The following ARID4B variants were observed in gnomAD, a reference collection of about 807,000 sequenced individuals.
ARID4B encodes the protein AT-rich interactive domain-containing protein 4B.
ARID4B carries 26 observed loss-of-function variants against 147.5 expected under a neutral mutation model. That is an observed-to-expected ratio of 0.18 (90% CI 0.13 to 0.24). ARID4B has a LOEUF of 0.24. ARID4B is among the 10% of genes least tolerant of loss of function. ARID4B has a pLI of 1.00. For missense variants in ARID4B, 1,179 were observed against 1,511.5 expected (o/e 0.78, Z 3.65); for synonymous variants, 512 against 507.9 (o/e 1.01, Z -0.11).
intron 13 of ARID4B, among the ~76,000 whole-genome samples, chr1:235,221,884 CTATTTTTTTT>C (rs1667488668): frequency 2.5e-5 from 2 of 78,548 alleles, no homozygotes; most frequent in African/African-American, 1.0e-4. Context: ...AGTCATTTGA[CTATTTTTTTT>C]TTTTTTTTTT....
intron 2 of ARID4B, among the ~76,000 whole-genome samples, chr1:235,298,454 A>ATT (rs1413467221): frequency 6.7e-6 from 1 of 149,568 alleles, no homozygotes; most frequent in Non-Finnish European, 1.5e-5. Flanking sequence ...ACCGTATTAC[A>ATT]TTATATATAT....
intron 2 of ARID4B, among the ~76,000 whole-genome samples, chr1:235,276,642 A>G (rs1017760754): frequency 6.6e-6 from 1 of 151,496 alleles, no homozygotes; most frequent in African/African-American, 2.4e-5. Context: ...AGTCTGGGAG[A>G]CACAGCAAGA....
chr1:235,213,741 A>G, intron 17 of ARID4B, 28 bp downstream of exon 17: 2 of 1,591,802 alleles, frequency 1.3e-6, no homozygotes, highest in East Asian at 2.2e-5. Context: ...GTTTTTAGGT[A>G]ATAATCACTA....
At chr1:235,294,127 A>C (rs1672518786) in intron 2 of ARID4B, among the ~76,000 whole-genome samples, 1 of 152,098 alleles carries the variant, frequency 6.6e-6, no homozygotes, top group Non-Finnish European at 1.5e-5. Context: ...TATATAAACA[A>C]GAACTATTTA....
At chr1:235,223,059 A>T in intron 13 of ARID4B, 107 bp downstream of exon 13, 1 of 700,296 alleles carries the variant, frequency 1.4e-6, no homozygotes, top group Non-Finnish European at 2.3e-6. Flanking sequence ...TTAGGTTTTT[A>T]CTGAAAAACT....
chr1:235,178,777 A>G (rs55732279), intron 20 of ARID4B, among the ~76,000 whole-genome samples: 20,219 of 152,092 alleles, frequency 0.13, 1,568 homozygotes, highest in African/African-American at 0.2. Flanking sequence ...CAGACACCAA[A>G]TCAACCTTCT....
Position 235,219,843 on chromosome 1 carries a change from A to ATCT in ARID4B, c.1530_1532dup (p.Val510_Asp511insGlu). The ATCT allele has an allele frequency of 1.1e-5, 18 of 1,605,070 alleles. No individual in the cohort carries two copies. Among genetic ancestry groups the ATCT allele is most frequent in the Non-Finnish European group, 1.5e-5 (18 of 1,177,868 alleles). On this transcript the variant is annotated inframe_insertion, in exon 16 of 24. Transcript: ENST00000264183. ...CTTCTACCTTTATGTTGAGGGATTC[A>ATCT]TCTACCCTAGTTGTGTCATCATCTT...
In ARID4B at chr1:235,236,858, A is replaced by AT. The variant is rs1240653310; in HGVS notation, c.586-2367dup. 4.3e-3 allele frequency among the ~76,000 whole-genome samples: 114 copies of AT among 26,350 alleles called. 5 individuals are homozygous for AT. Among genetic ancestry groups the AT allele is most frequent in the Non-Finnish European group, 6.9e-3 (94 of 13,530 alleles). 17.3% of individuals were successfully genotyped at this position (26,350 alleles called of 152,430 possible). ...AATATATATATATATATATATATATATATATTTTTTTTTTTTTTTTTTTTT... is the reference window on the plus strand; with the variant it reads ...AATATATATATATATATATATATATATTATATTTTTTTTTTTTTTTTTTTTT... On this transcript the variant is annotated intron_variant, in intron 8 of 23. Transcript: ENST00000264183.
chr1:235,247,408 A>G (rs1669364894), intron 6 of ARID4B, among the ~76,000 whole-genome samples: 1 of 152,256 alleles, frequency 6.6e-6, no homozygotes, highest in East Asian at 1.9e-4. Context: ...TTATAACTAC[A>G]ATGAACAAAA....
At chr1:235,187,963 T>A (rs1180698864) in intron 19 of ARID4B, among the ~76,000 whole-genome samples, 1 of 152,166 alleles carries the variant, frequency 6.6e-6, no homozygotes, top group East Asian at 1.9e-4. Flanking sequence ...ATTCAGTAGA[T>A]GTGGATGTGC....
intron 2 of ARID4B, among the ~76,000 whole-genome samples, chr1:235,280,532 T>A (rs1208049641): frequency 6.6e-6 from 1 of 152,234 alleles, no homozygotes; most frequent in African/African-American, 2.4e-5. Flanking sequence ...GGTTCCTGCC[T>A]CTCCGCTCCT....
In ARID4B at chr1:235,263,299, A is replaced by T. The variant is rs573648185; in HGVS notation, c.7-2547T>A. The stretch of plus-strand genomic sequence containing the variant: ...GGAACATATAAAAATTTAGGAATTG[A>T]TACACTTTTAAATTTTTAATAGATA... On this transcript the variant is annotated intron_variant, in intron 2 of 23. Transcript: ENST00000264183. Among the ~76,000 whole-genome samples the T allele has an allele frequency of 2.0e-5, 3 of 152,336 alleles. No homozygotes were observed. The East Asian group carries it at 5.8e-4, about 29-fold the overall frequency.
intron 23 of ARID4B, among the ~76,000 whole-genome samples, chr1:235,169,882 GAAC>G (rs1411749303): frequency 6.6e-6 from 1 of 152,058 alleles, no homozygotes; most frequent in African/African-American, 2.4e-5. Flanking sequence ...GTCTGGTCTC[GAAC>G]TCCTGACCTC....
intron 23 of ARID4B, among the ~76,000 whole-genome samples, chr1:235,170,725 G>C (rs1227609823): frequency 1.3e-5 from 2 of 151,488 alleles, no homozygotes; most frequent in Non-Finnish European, 2.9e-5. Context: ...ATGACAGAGA[G>C]ATACTCTGTC....
chr1:235,274,515 A>C (rs1012810217), intron 2 of ARID4B, among the ~76,000 whole-genome samples: 13 of 152,200 alleles, frequency 8.5e-5, no homozygotes, highest in Admixed American at 8.5e-4. Context: ...CTCTGTATGA[A>C]ATGAAATGGA....
At chr1:235,252,289 G>C (rs1669693169) in intron 6 of ARID4B, among the ~76,000 whole-genome samples, 1 of 152,126 alleles carries the variant, frequency 6.6e-6, no homozygotes, top group African/African-American at 2.4e-5. Context: ...AGGAATGGAA[G>C]GGACAATTTT....
At chr1:235,199,014 G>A (rs895310477) in intron 17 of ARID4B, among the ~76,000 whole-genome samples, 1 of 152,058 alleles carries the variant, frequency 6.6e-6, no homozygotes, top group Non-Finnish European at 1.5e-5. Flanking sequence ...CTGGAGAATC[G>A]CTTCAACCCG....
In ARID4B at chr1:235,193,998, G is replaced by T. The variant is rs745339776; in HGVS notation, c.2125+15C>A. On this transcript the variant is annotated intron_variant, in intron 19 of 23. Transcript: ENST00000264183. Reference sequence around the variant, plus strand: ...AAATCAAATACTTGCACAACAGAACGATTGTTATGTTTACCTTGAAGTCCA... The same window carrying T: ...AAATCAAATACTTGCACAACAGAACTATTGTTATGTTTACCTTGAAGTCCA... The T allele has an allele frequency of 1.3e-6, 2 of 1,529,414 alleles. No homozygotes were observed. The highest frequency in any genetic ancestry group is 1.4e-5 in the African/African-American group (1 of 72,904). 94.7% of individuals were successfully genotyped at this position (1,529,414 alleles called of 1,614,324 possible). A position where few individuals can be genotyped will look rare whatever the true frequency, so the allele number is the denominator to read the frequency against.
intron 2 of ARID4B, among the ~76,000 whole-genome samples, chr1:235,312,153 G>A (rs1674091429): frequency 6.6e-6 from 1 of 152,066 alleles, no homozygotes; most frequent in Non-Finnish European, 1.5e-5. Flanking sequence ...GGGCGTGGTG[G>A]CGCGCACCTG....
Sources: allele counts gnomAD v4.1 joint callset (sites outside exome capture counted in the v4.1 genomes callset), GRCh38; gene constraint gnomAD v4.1.1; transcripts MANE v1.5; gene names NCBI Gene and HGNC (gene_info 2026-07-23, HGNC 2026-07-21).